Variants in CENPP observed in about 807,000 individuals in gnomAD.
CENPP encodes the protein centromere protein P.
CENPP carries 24 observed loss-of-function variants against 35.6 expected under a neutral mutation model. The observed-to-expected ratio is 0.67, with a 90% CI of 0.49 to 0.95. The LOEUF (loss-of-function observed/expected upper bound fraction) is 0.95, where lower values mean the gene tolerates loss of function less well. Among genes scored for constraint, CENPP ranks in the 40% least tolerant of loss-of-function variants. The pLI, the probability that CENPP is intolerant of heterozygous loss-of-function variation, is 0.00. For synonymous variants in CENPP, 120 were observed against 125.5 expected (o/e 0.96, Z 0.29); for missense variants, 332 against 345.3 (o/e 0.96, Z 0.31).
chr9:92,340,025 C>T (rs568011647), intron 3 of CENPP: 2 of 153,868 alleles, frequency 1.3e-5, no homozygotes, highest in African/African-American at 2.4e-5. Flanking sequence ...GAATCATAAT[C>T]CTATGGTCCA....
At chr9:92,586,411 G>A (rs955140092) in intron 5 of CENPP, among the ~76,000 whole-genome samples, 1 of 152,132 alleles carries the variant, frequency 6.6e-6, no homozygotes, top group Admixed American at 6.5e-5. Context: ...GACAGAGCAA[G>A]CAGCAGACAA....
At chr9:92,445,807 T>G (rs1161459517) in intron 5 of CENPP, among the ~76,000 whole-genome samples, 3 of 151,532 alleles carry the variant, frequency 2.0e-5, no homozygotes, top group Non-Finnish European at 4.4e-5. Context: ...CACTTGAACC[T>G]GAGAGGTGGA....
intron 5 of CENPP, among the ~76,000 whole-genome samples, chr9:92,399,395 G>A (rs948271568): frequency 2.0e-5 from 3 of 151,630 alleles, no homozygotes; most frequent in African/African-American, 7.3e-5. Context: ...TCTTTTCCTC[G>A]ATTTTTAAGA....
rs150581685 is a variant in CENPP, at chr9:92,348,868, T to C, written c.467+3081T>C. On this transcript the variant is annotated intron_variant, in intron 4 of 7. Transcript: ENST00000375587. ...TATCTTTAAACATACTCTTTCATAA[T>C]CTGGATTGCATAGGTTGTGACAAAA... Among the ~76,000 whole-genome samples the C allele has an allele frequency of 2.5e-3, 379 of 152,336 alleles. 2 individuals are homozygous for C. Among genetic ancestry groups the C allele is most frequent in the Non-Finnish European group, 1.4e-3 (95 of 68,034 alleles).
chr9:92,353,022 A>G (rs918590800), intron 4 of CENPP, among the ~76,000 whole-genome samples: 4 of 152,186 alleles, frequency 2.6e-5, no homozygotes, highest in African/African-American at 9.7e-5. Context: ...TGTGCCTAAC[A>G]TACAACTATC....
intron 5 of CENPP, among the ~76,000 whole-genome samples, chr9:92,407,475 G>A (rs184087630): frequency 6.6e-6 from 1 of 152,306 alleles, no homozygotes; most frequent in Admixed American, 6.5e-5. Flanking sequence ...TTGAAACTGA[G>A]GTGATTTTCT....
At chr9:92,359,945 C>T (rs1841701267) in intron 4 of CENPP, among the ~76,000 whole-genome samples, 1 of 152,052 alleles carries the variant, frequency 6.6e-6, no homozygotes, top group South Asian at 2.1e-4. Flanking sequence ...CACAATTTAC[C>T]ATCCAAGCCC....
intron 3 of CENPP, among the ~76,000 whole-genome samples, chr9:92,337,959 A>T (rs751135639): frequency 6.6e-6 from 1 of 152,128 alleles, no homozygotes; most frequent in South Asian, 2.1e-4. Context: ...CAGCCATCTA[A>T]TATCTATTAG....
chr9:92,416,205 C>A (rs1353260900), intron 5 of CENPP, among the ~76,000 whole-genome samples: 2 of 151,104 alleles, frequency 1.3e-5, no homozygotes, highest in Non-Finnish European at 2.9e-5. Context: ...GTTCAAGCAA[C>A]TCTCATGCCT....
chr9:92,491,984 G>A (rs1247972999), intron 5 of CENPP, among the ~76,000 whole-genome samples: 7 of 152,148 alleles, frequency 4.6e-5, no homozygotes, highest in African/African-American at 1.7e-4. Flanking sequence ...CCAGACGTGA[G>A]TCCCTCCATC....
At chr9:92,403,642 G>C in intron 5 of CENPP, 2 of 1,165,882 alleles carry the variant, frequency 1.7e-6, no homozygotes, top group Admixed American at 4.5e-5. Flanking sequence ...CTGAAAAATA[G>C]TTTTGGAAAA....
Position 92,551,941 on chromosome 9 carries a change from A to G in CENPP, c.565-59373A>G, listed in dbSNP as rs557791293. The stretch of plus-strand genomic sequence containing the variant: ...GGTGTGTGTGTATATATATATATAT[A>G]TATATATATATGATATATATATGTG... On this transcript the variant is annotated intron_variant, in intron 5 of 7. Coordinates refer to ENST00000375587, the MANE Select transcript of CENPP (RefSeq NM_001012267.3). Among the ~76,000 whole-genome samples the G allele has an allele frequency of 4.6e-4, 30 of 64,696 alleles. 4 individuals are homozygous for G. Among genetic ancestry groups the G allele is most frequent in the African/African-American group, 3.8e-3 (30 of 7,840 alleles). 42.4% of individuals were successfully genotyped at this position (64,696 alleles called of 152,430 possible).
chr9:92,503,348 C>G (rs529278056), intron 5 of CENPP, among the ~76,000 whole-genome samples: 2 of 152,274 alleles, frequency 1.3e-5, no homozygotes, highest in South Asian at 4.1e-4. Flanking sequence ...ACAGGGAAGC[C>G]CACCCGTGGT....
intron 5 of CENPP, among the ~76,000 whole-genome samples, chr9:92,559,152 G>C (rs538344380): frequency 6.6e-6 from 1 of 152,130 alleles, no homozygotes; most frequent in Non-Finnish European, 1.5e-5. Context: ...TTCTTGTCCC[G>C]TTCAAATTGT....
chr9:92,619,652 G>T lies in CENPP; in HGVS notation c.*6503G>T. The T allele has an allele frequency of 8.4e-7, 1 of 1,191,964 alleles. No individual in the cohort carries two copies. Among genetic ancestry groups the T allele is most frequent in the Non-Finnish European group, 1.2e-6 (1 of 825,958 alleles). 73.8% of individuals were successfully genotyped at this position (1,191,964 alleles called of 1,614,324 possible). The stretch of plus-strand genomic sequence containing the variant: ...CTTCCTTCCCAGTAGCCAAGTGTGG[G>T]AACTGCTTCCTGCCTCAGAACCTGA... On this transcript the variant is annotated 3_prime_UTR_variant, in exon 8 of 8. Transcript: ENST00000375587.
intron 5 of CENPP, among the ~76,000 whole-genome samples, chr9:92,386,461 G>A (rs1007885496): frequency 2.0e-5 from 3 of 152,014 alleles, no homozygotes; most frequent in African/African-American, 7.2e-5. Context: ...TTCTTGTTTG[G>A]GTTTTTTTTC....
At chr9:92,604,514 G>A (rs1414580116) in intron 5 of CENPP, among the ~76,000 whole-genome samples, 1 of 152,104 alleles carries the variant, frequency 6.6e-6, no homozygotes, top group Non-Finnish European at 1.5e-5. Context: ...TTTAAGAGTA[G>A]CAGTTTCTAA....
chr9:92,468,642 A>G (rs888075818), intron 5 of CENPP, among the ~76,000 whole-genome samples: 4 of 152,246 alleles, frequency 2.6e-5, no homozygotes, highest in African/African-American at 9.6e-5. Flanking sequence ...GTACCATATA[A>G]GGTGATACTA....
chr9:92,445,843 C>G (rs886173009), intron 5 of CENPP, among the ~76,000 whole-genome samples: 19 of 151,480 alleles, frequency 1.3e-4, no homozygotes, highest in Admixed American at 1.2e-3. Flanking sequence ...AGTTACACCA[C>G]TGCACTCCAG....
Sources: gnomAD v4.1 joint callset for allele counts (sites outside exome capture counted in the v4.1 genomes callset) on GRCh38, gnomAD v4.1.1 for gene constraint, MANE v1.5 for transcripts, NCBI Gene and HGNC (gene_info 2026-07-23, HGNC 2026-07-21) for gene names.